The following BCCIP variants were observed in gnomAD, a reference collection of about 807,000 sequenced individuals.
BCCIP encodes the protein BRCA2 and CDKN1A-interacting protein.
In BCCIP, 23 loss-of-function variants were observed where a neutral mutation model predicts 32.8. That is an observed-to-expected ratio of 0.70 (90% CI 0.51 to 0.99). The LOEUF is 0.99. Among genes scored for constraint, BCCIP ranks in the 50% least tolerant of loss-of-function variants. BCCIP has a pLI of 0.00. For synonymous variants in BCCIP, 144 were observed against 137.6 expected (o/e 1.05, Z -0.33); for missense variants, 378 against 379.8 (o/e 1.00, Z 0.04).
chr10:125,827,263 G>A (rs1854418913), intron 2 of BCCIP, among the ~76,000 whole-genome samples: 1 of 151,600 alleles, frequency 6.6e-6, no homozygotes, highest in Non-Finnish European at 1.5e-5. Flanking sequence ...AGCCTTTATA[G>A]CTCTACCGTC....
downstream of BCCIP, among the ~76,000 whole-genome samples, chr10:125,839,680 T>C (rs1363964450): frequency 6.6e-6 from 1 of 152,226 alleles, no homozygotes; most frequent in Non-Finnish European, 1.5e-5. Context: ...CAGGTTGATT[T>C]GGGAATTAAT....
chr10:125,839,511 A>G (rs1455039964), downstream of BCCIP, among the ~76,000 whole-genome samples: 1 of 152,230 alleles, frequency 6.6e-6, no homozygotes, highest in African/African-American at 2.4e-5. Context: ...TAAAGGCCAG[A>G]GAGGATTTTG....
At chr10:125,827,672 T>C in intron 3 of BCCIP, 34 bp downstream of exon 3, 2 of 1,477,138 alleles carry the variant, frequency 1.4e-6, no homozygotes, top group Non-Finnish European at 1.9e-6. Flanking sequence ...TCTGATTAAA[T>C]GAGTTCTTTA....
intron 3 of BCCIP, among the ~76,000 whole-genome samples, chr10:125,829,815 T>G (rs1221962419): frequency 2.0e-5 from 3 of 152,228 alleles, no homozygotes. Flanking sequence ...TGAAAGAGGT[T>G]ATTATCTAAT....
Position 125,823,547 on chromosome 10 carries a change from T to C in BCCIP, c.-11T>C. On this transcript the variant is annotated 5_prime_UTR_variant, in exon 1 of 7. Coordinates refer to ENST00000278100, the MANE Select transcript of BCCIP (RefSeq NM_078468.3). The stretch of plus-strand genomic sequence containing the variant: ...AAGGGGAAGCTGCGCAGGCGCAGTG[T>C]GAGCGGCAACATGGCGTCCAGGTCT... 1 of 1,613,022 alleles carries C rather than the reference T, an allele frequency of 6.2e-7. No individual in the cohort carries two copies. The highest frequency in any genetic ancestry group is 1.1e-5 in the South Asian group (1 of 91,014).
In BCCIP at chr10:125,823,639, G is replaced by C. The variant is rs775616562; in HGVS notation, c.82G>C (p.Glu28Gln). 2.5e-6 allele frequency: 4 copies of C among 1,614,194 alleles called. No homozygotes were observed. The Admixed American group carries it at 6.7e-5, about 27-fold the overall frequency. The change falls in exon 1 of 7, where the codon GAG becomes CAG. Residue 28 changes from glutamate to glutamine, a missense_variant. Physicochemically the swap from Glu to Gln is conservative, Grantham distance 29. Transcript: ENST00000278100. ...PDPPVQRDEE[E>Q]EKEVENEDED... ...TCCCCCAGTCCAGCGCGACGAGGAA[G>C]AGGAAAAAGAAGTCGAAAATGAGGA...
chr10:125,836,702 T>C (rs778249535), downstream of BCCIP: 2 of 1,614,154 alleles, frequency 1.2e-6, no homozygotes, highest in Admixed American at 3.3e-5. Context: ...GGAGAGTGCA[T>C]CTCTGTTCAG....
At chr10:125,829,593 A>G (rs1368237732) in intron 3 of BCCIP, among the ~76,000 whole-genome samples, 1 of 152,228 alleles carries the variant, frequency 6.6e-6, no homozygotes, top group Non-Finnish European at 1.5e-5. Context: ...TACTAAATAC[A>G]GTGTACACTT....
downstream of BCCIP, chr10:125,839,092 C>G: frequency 1.2e-6 from 2 of 1,614,178 alleles, no homozygotes; most frequent in East Asian, 2.2e-5. Context: ...AAGCTCGATT[C>G]GCTTGATAAT....
chr10:125,852,679 A>G (rs1299044828), intron 7 of BCCIP: 2 of 1,562,776 alleles, frequency 1.3e-6, no homozygotes, highest in Non-Finnish European at 8.7e-7. Context: ...GCGTCAGATA[A>G]GTCATGATTC....
downstream of BCCIP, among the ~76,000 whole-genome samples, chr10:125,844,746 T>G (rs1943990674): frequency 6.6e-6 from 1 of 152,178 alleles, no homozygotes; most frequent in African/African-American, 2.4e-5. Flanking sequence ...GGAATGGAAG[T>G]GTTTTAGTGT....
intron 5 of BCCIP, 71 bp downstream of exon 5, chr10:125,831,678 G>A (rs1854523914): frequency 2.1e-6 from 3 of 1,395,378 alleles, no homozygotes; most frequent in Non-Finnish European, 3.0e-6. Context: ...TGTCATTTAA[G>A]TAGAATATGT....
chr10:125,826,058 T>C (rs796217380), intron 1 of BCCIP: 13 of 153,246 alleles, frequency 8.5e-5, no homozygotes, highest in African/African-American at 3.1e-4. Context: ...ATTTTTTAAG[T>C]TGTTACAACA....
downstream of BCCIP, among the ~76,000 whole-genome samples, chr10:125,844,654 C>T (rs1460313301): frequency 6.6e-6 from 1 of 152,186 alleles, no homozygotes; most frequent in African/African-American, 2.4e-5. Context: ...ACTTGCTTAG[C>T]TAAAAAGCAG....
At chr10:125,836,943 G>T, downstream of BCCIP, 1 of 1,153,998 alleles carries the variant, frequency 8.7e-7, no homozygotes, top group Non-Finnish European at 1.3e-6. Context: ...TCCCATCCCT[G>T]GAGAATCTAC....
Position 125,827,548 on chromosome 10 carries a change from C to T in BCCIP, c.241-10C>T, listed in dbSNP as rs767373835. Reference sequence around the variant, plus strand: ...GATCTTAATTTAAAATAATTTTTTCCTCCTTTTAGCTTTTTCTAAAGGCTC... The same window carrying T: ...GATCTTAATTTAAAATAATTTTTTCTTCCTTTTAGCTTTTTCTAAAGGCTC... On this transcript the variant is annotated splice_polypyrimidine_tract_variant and intron_variant, in intron 2 of 6. Transcript: ENST00000278100. 9.5e-6 allele frequency: 15 copies of T among 1,574,338 alleles called. No individual in the cohort carries two copies. The East Asian group carries it at 1.1e-4, about 12-fold the overall frequency.
At chr10:125,846,130 G>A (rs1299528373), downstream of BCCIP, among the ~76,000 whole-genome samples, 1 of 152,118 alleles carries the variant, frequency 6.6e-6, no homozygotes, top group Non-Finnish European at 1.5e-5. Flanking sequence ...CAAGCGTAAG[G>A]GCATTGGGAA....
intron 7 of BCCIP, among the ~76,000 whole-genome samples, chr10:125,850,134 TAA>T (rs371549545): frequency 0.059 from 7,937 of 133,416 alleles, 694 homozygotes; most frequent in African/African-American, 0.2. Context: ...CCTGGCTCAT[TAA>T]AAAAAAAAAA....
downstream of BCCIP, among the ~76,000 whole-genome samples, chr10:125,845,489 T>C (rs151123217): frequency 7.4e-4 from 113 of 152,342 alleles, no homozygotes; most frequent in Non-Finnish European, 1.3e-3. Context: ...GAGAACATCA[T>C]GCCTTCTCTT....
Sources: allele counts gnomAD v4.1 joint callset (sites outside exome capture counted in the v4.1 genomes callset), GRCh38; gene constraint gnomAD v4.1.1; transcripts MANE v1.5; gene names NCBI Gene and HGNC (gene_info 2026-07-23, HGNC 2026-07-21).